The following KCNQ5 variants were observed in gnomAD, a reference collection of about 807,000 sequenced individuals.
The protein encoded by KCNQ5 is potassium voltage-gated channel subfamily Q member 5, also known as potassium voltage-gated channel subfamily KQT member 5.
KCNQ5 carries 30 observed loss-of-function variants against 98.2 expected under a neutral mutation model. The ratio of observed to expected loss-of-function variants is 0.31; its 90% CI spans 0.23 to 0.41. KCNQ5 has a LOEUF of 0.41. KCNQ5 is among the 10% of genes least tolerant of loss of function. KCNQ5 has a pLI of 1.00. For missense variants in KCNQ5, 835 were observed against 1,182.5 expected (o/e 0.71, Z 4.31); for synonymous variants, 458 against 449.4 (o/e 1.02, Z -0.24).
rs192029979 is a variant in KCNQ5 at position 72,946,379 on chromosome 6, T to A, written c.399-57529T>A. Among the ~76,000 whole-genome samples the A allele has an allele frequency of 3.9e-4, 60 of 152,314 alleles. No individual in the cohort carries two copies. The East Asian group carries it at 0.011, about 29-fold the overall frequency. ...ACCTTTCCCCATTCATTTTATGATA[T>A]ACCTTTTAAAGACATCATCATCATC... On this transcript the variant is annotated intron_variant, in intron 1 of 13. Transcript: ENST00000370398.
intron 1 of KCNQ5, among the ~76,000 whole-genome samples, chr6:72,799,113 G>A (rs1258598394): frequency 6.6e-6 from 1 of 152,122 alleles, no homozygotes; most frequent in Non-Finnish European, 1.5e-5. Context: ...GAGACAGAGA[G>A]ACAGATTGCT....
At chr6:72,713,395 T>C (rs1352489673) in intron 1 of KCNQ5, among the ~76,000 whole-genome samples, 3 of 152,174 alleles carry the variant, frequency 2.0e-5, no homozygotes, top group Admixed American at 6.5e-5. Context: ...TCATCTGAGT[T>C]ACAAAAATTT....
intron 2 of KCNQ5, among the ~76,000 whole-genome samples, chr6:73,028,508 A>G (rs1293591382): frequency 6.6e-6 from 1 of 152,074 alleles, no homozygotes; most frequent in Non-Finnish European, 1.5e-5. Context: ...CAGGCTGTAA[A>G]TTTACTTCCT....
chr6:72,707,480 T>G (rs536389744), intron 1 of KCNQ5, among the ~76,000 whole-genome samples: 2 of 152,204 alleles, frequency 1.3e-5, no homozygotes, highest in South Asian at 4.1e-4. Context: ...CAGTAGGGAA[T>G]GAAACAAAGT....
chr6:72,729,000 C>A (rs181292120), intron 1 of KCNQ5, among the ~76,000 whole-genome samples: 3 of 152,014 alleles, frequency 2.0e-5, no homozygotes, highest in African/African-American at 7.3e-5. Flanking sequence ...TCTTTTTTTA[C>A]ACACAGAATA....
At chr6:73,151,883 A>G (rs138393158) in intron 10 of KCNQ5, among the ~76,000 whole-genome samples, 42 of 152,330 alleles carry the variant, frequency 2.8e-4, no homozygotes, top group African/African-American at 9.4e-4. Flanking sequence ...AAAAGATGAC[A>G]TGATGACAGA....
intron 5 of KCNQ5, among the ~76,000 whole-genome samples, chr6:73,092,670 A>G (rs1582340207): frequency 6.6e-6 from 1 of 152,154 alleles, no homozygotes; most frequent in African/African-American, 2.4e-5. Context: ...TGAGATGATC[A>G]TGTGATTTTG....
intron 1 of KCNQ5, among the ~76,000 whole-genome samples, chr6:72,948,354 A>C (rs1194373469): frequency 6.6e-6 from 1 of 152,054 alleles, no homozygotes; most frequent in East Asian, 1.9e-4. Flanking sequence ...TCATGAGAAC[A>C]ACTTGTTCTG....
chr6:73,117,126 A>T (rs1368669578), intron 7 of KCNQ5, among the ~76,000 whole-genome samples: 1 of 152,226 alleles, frequency 6.6e-6, no homozygotes, highest in Non-Finnish European at 1.5e-5. Context: ...TAAATTAACC[A>T]TAGGAAATCC....
At chr6:73,053,408 T>A (rs191292276) in intron 3 of KCNQ5, among the ~76,000 whole-genome samples, 1 of 152,240 alleles carries the variant, frequency 6.6e-6, no homozygotes, top group Admixed American at 6.5e-5. Flanking sequence ...CTAATAGACA[T>A]CTACAGAAAT....
chr6:72,762,409 G>T (rs1345675312), intron 1 of KCNQ5, among the ~76,000 whole-genome samples: 1 of 143,926 alleles, frequency 6.9e-6, no homozygotes, highest in Non-Finnish European at 1.5e-5. Flanking sequence ...AATGACTTTA[G>T]AATACTTAAA....
intron 2 of KCNQ5, among the ~76,000 whole-genome samples, chr6:73,011,099 A>C (rs1770043627): frequency 6.6e-6 from 1 of 152,080 alleles, no homozygotes; most frequent in African/African-American, 2.4e-5. Context: ...AGGACTTATA[A>C]TTTTTTATTT....
chr6:72,874,911 T>G (rs1036702364), intron 1 of KCNQ5, among the ~76,000 whole-genome samples: 2 of 152,244 alleles, frequency 1.3e-5, no homozygotes, highest in African/African-American at 4.8e-5. Flanking sequence ...TGTAGCCAAT[T>G]ATTATTTTCT....
chr6:73,179,085 A>G (rs1340619722), intron 11 of KCNQ5, among the ~76,000 whole-genome samples: 2 of 152,286 alleles, frequency 1.3e-5, no homozygotes, highest in African/African-American at 2.4e-5. Flanking sequence ...TAAATGCTGT[A>G]TTTCTCATGG....
At chr6:72,740,719 A>T (rs367911567) in intron 1 of KCNQ5, among the ~76,000 whole-genome samples, 1 of 152,108 alleles carries the variant, frequency 6.6e-6, no homozygotes, top group Non-Finnish European at 1.5e-5. Context: ...AAAAGATTCT[A>T]GGAAGTTGGA....
intron 2 of KCNQ5, among the ~76,000 whole-genome samples, chr6:73,004,290 A>G (rs963491613): frequency 6.6e-6 from 1 of 152,242 alleles, no homozygotes; most frequent in Non-Finnish European, 1.5e-5. Flanking sequence ...TATCTATGCT[A>G]ATAAACAAAT....
chr6:72,747,734 T>A (rs1257922357), intron 1 of KCNQ5, among the ~76,000 whole-genome samples: 1 of 152,184 alleles, frequency 6.6e-6, no homozygotes, highest in Non-Finnish European at 1.5e-5. Flanking sequence ...ATTGTCCATA[T>A]CATATCTTAA....
At chr6:73,042,230 A>T in intron 3 of KCNQ5, 168 bp downstream of exon 3, 1 of 728,984 alleles carries the variant, frequency 1.4e-6, no homozygotes, top group South Asian at 1.6e-5. Flanking sequence ...TGTTGTCTCC[A>T]CAGCATTATG....
chr6:72,916,130 G>A (rs554152791), intron 1 of KCNQ5, among the ~76,000 whole-genome samples: 114 of 152,206 alleles, frequency 7.5e-4, no homozygotes, highest in Middle Eastern at 3.4e-3. Flanking sequence ...TATTAAAAAC[G>A]GAGCTCTTTT....
Sources: allele counts gnomAD v4.1 joint callset (sites outside exome capture counted in the v4.1 genomes callset), GRCh38; gene constraint gnomAD v4.1.1; transcripts MANE v1.5; gene names NCBI Gene and HGNC (gene_info 2026-07-23, HGNC 2026-07-21).